The following GPR149 variants were observed in gnomAD, a reference collection of about 807,000 sequenced individuals.
GPR149 encodes probable G protein-coupled receptor 149.
GPR149 carries 50 observed loss-of-function variants against 50.2 expected under a neutral mutation model. That is an observed-to-expected ratio of 1.00 (90% CI 0.79 to 1.26). The LOEUF (loss-of-function observed/expected upper bound fraction) is 1.26. Among genes scored for constraint, GPR149 ranks in the 50% most tolerant of loss-of-function variants. GPR149 has a pLI of 0.00. For missense variants in GPR149, 983 were observed against 895.4 expected, an observed-to-expected ratio of 1.10 and a Z score of -1.25; for synonymous variants, 405 against 358.2, an observed-to-expected ratio of 1.13 and a Z score of -1.48.
At chr3:154,391,460 A>G (rs908742381) in intron 3 of GPR149, among the ~76,000 whole-genome samples, 4 of 151,888 alleles carry the variant, frequency 2.6e-5, no homozygotes, top group Non-Finnish European at 4.4e-5. Flanking sequence ...GAGCCATAAA[A>G]AAAGAGAAGG....
chr3:154,427,466 A>G, intron 2 of GPR149, 50 bp downstream of exon 2: 1 of 1,513,680 alleles, frequency 6.6e-7, no homozygotes, highest in Non-Finnish European at 8.9e-7. Flanking sequence ...ACTTTTCTGA[A>G]AGTCACCTAA....
intron 3 of GPR149, among the ~76,000 whole-genome samples, chr3:154,370,299 G>C (rs975069960): frequency 2.0e-5 from 3 of 152,046 alleles, no homozygotes; most frequent in African/African-American, 7.2e-5. Context: ...TTCTATAACA[G>C]GGACCAAGAG....
intron 3 of GPR149, among the ~76,000 whole-genome samples, chr3:154,339,123 C>A (rs1015664098): frequency 2.0e-5 from 3 of 152,056 alleles, no homozygotes; most frequent in African/African-American, 7.2e-5. Flanking sequence ...GATAATGTAC[C>A]AAACTTCTAG....
chr3:154,365,763 C>T (rs1192221611), intron 3 of GPR149, among the ~76,000 whole-genome samples: 1 of 152,180 alleles, frequency 6.6e-6, no homozygotes, highest in Non-Finnish European at 1.5e-5. Flanking sequence ...GATGACCTTT[C>T]CTCCAGTTTC....
At chr3:154,391,191 C>G (rs1224929277) in intron 3 of GPR149, among the ~76,000 whole-genome samples, 1 of 151,740 alleles carries the variant, frequency 6.6e-6, no homozygotes, top group African/African-American at 2.4e-5. Flanking sequence ...AGTGGGTAAA[C>G]TTTTAATCAT....
At chr3:154,342,607 C>G (rs930503215) in intron 3 of GPR149, among the ~76,000 whole-genome samples, 1 of 152,088 alleles carries the variant, frequency 6.6e-6, no homozygotes, top group Admixed American at 6.6e-5. Context: ...CAGGGTTTTG[C>G]CATGTTGGCC....
Position 154,427,703 on chromosome 3 carries a change from GTGCATC to G in GPR149, c.982-1_986del. On this transcript the variant is annotated splice_acceptor_variant and coding_sequence_variant, in exon 2 of 4. Coordinates refer to ENST00000389740, the MANE Select transcript of GPR149 (RefSeq NM_001038705.3). LOFTEE classifies it high-confidence loss of function. ...ACCCCACGACGTTCTGGACCACCAT[GTGCATC>G]TGCAAGGGCAAGAGAACTTCAGACC... 6.2e-7 allele frequency: 1 copy of G among 1,610,946 alleles called. No individual in the cohort carries two copies. Among genetic ancestry groups the G allele is most frequent in the Non-Finnish European group, 8.5e-7 (1 of 1,178,562 alleles).
intron 3 of GPR149, among the ~76,000 whole-genome samples, chr3:154,381,176 A>T (rs987991292): frequency 1.3e-5 from 2 of 152,196 alleles, no homozygotes. Context: ...ATTTTTTTCC[A>T]GGTTAAAATA....
intron 3 of GPR149, among the ~76,000 whole-genome samples, chr3:154,400,144 G>A (rs1407817832): frequency 1.3e-5 from 2 of 151,724 alleles, no homozygotes; most frequent in Non-Finnish European, 2.9e-5. Flanking sequence ...CCGCCACTGC[G>A]CCCGGCTAAT....
intron 3 of GPR149, among the ~76,000 whole-genome samples, chr3:154,395,224 T>G (rs1715261610): frequency 6.6e-6 from 1 of 151,938 alleles, no homozygotes; most frequent in Non-Finnish European, 1.5e-5. Context: ...AACTGACTTA[T>G]TCTTAGAATG....
intron 3 of GPR149, among the ~76,000 whole-genome samples, chr3:154,351,688 A>G (rs1347817996): frequency 6.6e-6 from 1 of 152,170 alleles, no homozygotes; most frequent in Non-Finnish European, 1.5e-5. Flanking sequence ...CAAAAGACAG[A>G]CAATCTGTTT....
chr3:154,411,115 G>T (rs2108423680), intron 3 of GPR149, among the ~76,000 whole-genome samples: 1 of 152,190 alleles, frequency 6.6e-6, no homozygotes, highest in African/African-American at 2.4e-5. Context: ...ATGAAATCAA[G>T]ACGGAAATTT....
intron 3 of GPR149, among the ~76,000 whole-genome samples, chr3:154,340,534 A>G (rs1713766072): frequency 6.6e-6 from 1 of 152,232 alleles, no homozygotes. Flanking sequence ...TGGAGATGCT[A>G]TCTCTTAAGA....
chr3:154,340,328 A>C (rs923247503), intron 3 of GPR149, among the ~76,000 whole-genome samples: 5 of 152,254 alleles, frequency 3.3e-5, no homozygotes, highest in Non-Finnish European at 7.3e-5. Context: ...CATTGACTCT[A>C]CATGTGTAAT....
intron 3 of GPR149, among the ~76,000 whole-genome samples, chr3:154,392,794 C>T (rs913752303): frequency 2.0e-5 from 3 of 151,762 alleles, no homozygotes; most frequent in African/African-American, 4.8e-5. Context: ...TAAAAAACTA[C>T]TATGAGCAAC....
intron 3 of GPR149, among the ~76,000 whole-genome samples, chr3:154,372,495 C>T (rs1226596386): frequency 6.6e-6 from 1 of 152,172 alleles, no homozygotes; most frequent in African/African-American, 2.4e-5. Context: ...AAGATCCTGT[C>T]TCCCTTGCCA....
chr3:154,389,081 T>C (rs561273894), intron 3 of GPR149, among the ~76,000 whole-genome samples: 2 of 152,262 alleles, frequency 1.3e-5, no homozygotes, highest in East Asian at 3.9e-4. Flanking sequence ...CATTCATTCG[T>C]TCATTCTTAT....
At chr3:154,383,778 T>A (rs892902226) in intron 3 of GPR149, among the ~76,000 whole-genome samples, 1 of 152,076 alleles carries the variant, frequency 6.6e-6, no homozygotes, top group African/African-American at 2.4e-5. Context: ...TTGGGGGACA[T>A]TTTAAGAGAT....
At chr3:154,385,937 G>A (rs1414302131) in intron 3 of GPR149, among the ~76,000 whole-genome samples, 2 of 151,968 alleles carry the variant, frequency 1.3e-5, no homozygotes, top group Non-Finnish European at 2.9e-5. Flanking sequence ...TTCTGACCTC[G>A]TGATCTGCCT....
Sources: allele counts gnomAD v4.1 joint callset (sites outside exome capture counted in the v4.1 genomes callset), GRCh38; gene constraint gnomAD v4.1.1; transcripts MANE v1.5; gene names NCBI Gene and HGNC (gene_info 2026-07-23, HGNC 2026-07-21).